The following RBMS3 variants were observed in gnomAD, a reference collection of about 807,000 sequenced individuals.
The protein encoded by RBMS3 is RNA binding motif single stranded interacting protein 3.
Under a neutral mutation model 66.8 loss-of-function variants are expected in RBMS3, and 27 were observed. The ratio of observed to expected loss-of-function variants is 0.40; its 90% confidence interval spans 0.30 to 0.56. The LOEUF (loss-of-function observed/expected upper bound fraction) is 0.56, where lower values mean the gene tolerates loss of function less well. Ranked by LOEUF, RBMS3 falls within the 20% of genes least tolerant of loss-of-function variation. The pLI is 0.40. For missense variants in RBMS3, 513 were observed against 549.5 expected (o/e 0.93, Z 0.66); for synonymous variants, 188 against 183.0 (o/e 1.03, Z -0.22).
chr3:29,886,354 C>A (rs1423345306), intron 8 of RBMS3, among the ~76,000 whole-genome samples: 1 of 151,790 alleles, frequency 6.6e-6, no homozygotes, highest in Non-Finnish European at 1.5e-5. Context: ...GAAAATGAGG[C>A]CATGTAGTCC....
At chr3:29,545,215 A>G (rs1311253779) in intron 3 of RBMS3, among the ~76,000 whole-genome samples, 1 of 152,184 alleles carries the variant, frequency 6.6e-6, no homozygotes, top group Non-Finnish European at 1.5e-5. Flanking sequence ...AATGTCCATA[A>G]TGCATCCTTA....
At chr3:29,994,258 G>A (rs566087608) in intron 14 of RBMS3, among the ~76,000 whole-genome samples, 21 of 152,274 alleles carry the variant, frequency 1.4e-4, no homozygotes, top group Admixed American at 9.8e-4. Context: ...ATTATATCCC[G>A]CACCTGGCTC....
chr3:29,637,549 TGG>T (rs1482984073), intron 4 of RBMS3, among the ~76,000 whole-genome samples: 1 of 151,916 alleles, frequency 6.6e-6, no homozygotes, highest in African/African-American at 2.4e-5. Flanking sequence ...TTTCTTATCT[TGG>T]AGATTGAGGC....
intron 3 of RBMS3, among the ~76,000 whole-genome samples, chr3:29,553,359 C>G (rs1576207568): frequency 6.6e-6 from 1 of 152,096 alleles, no homozygotes; most frequent in Non-Finnish European, 1.5e-5. Context: ...GAATCAGGAA[C>G]CAGCAGAAGG....
intron 4 of RBMS3, among the ~76,000 whole-genome samples, chr3:29,732,475 T>C (rs2054179799): frequency 6.6e-6 from 1 of 152,176 alleles, no homozygotes; most frequent in Non-Finnish European, 1.5e-5. Flanking sequence ...TTGACCAATC[T>C]GGGCACACTG....
At chr3:29,618,332 T>C (rs1295110594) in intron 4 of RBMS3, among the ~76,000 whole-genome samples, 1 of 152,010 alleles carries the variant, frequency 6.6e-6, no homozygotes, top group African/African-American at 2.4e-5. Flanking sequence ...TCATCTCTAC[T>C]ACATCTCTAC....
At chr3:29,410,732 T>C (rs7625897) in intron 1 of RBMS3, among the ~76,000 whole-genome samples, 5,927 of 152,272 alleles carry the variant, frequency 0.039, 395 homozygotes, top group African/African-American at 0.13. Flanking sequence ...AAATGGAACA[T>C]GATGAGCCCT....
chr3:29,919,765 C>T (rs1337502010), intron 10 of RBMS3, among the ~76,000 whole-genome samples: 3 of 152,172 alleles, frequency 2.0e-5, no homozygotes, highest in Non-Finnish European at 4.4e-5. Flanking sequence ...AATTATGCAG[C>T]CCTGGCTGCA....
intron 4 of RBMS3, among the ~76,000 whole-genome samples, chr3:29,728,278 A>G (rs2053973970): frequency 6.6e-6 from 1 of 152,086 alleles, no homozygotes. Flanking sequence ...AACCTAGATG[A>G]CGGGTCGATA....
chr3:29,948,531 A>G (rs1253817386), intron 12 of RBMS3, among the ~76,000 whole-genome samples: 1 of 151,826 alleles, frequency 6.6e-6, no homozygotes, highest in African/African-American at 2.4e-5. Context: ...ATTTGTTTTC[A>G]TAGATACCAT....
Position 29,488,434 on chromosome 3 carries a change from CTT to C in RBMS3, c.249-5_249-4del. 6.4e-7 allele frequency: 1 copy of C among 1,551,324 alleles called. No individual in the cohort carries two copies. The highest frequency in any genetic ancestry group is 8.8e-7 in the Non-Finnish European group (1 of 1,134,554). ...AACATGGGTTTTTTTCTCTCTCTCT[CTT>C]TCAGGTATGGAAAAATTGTATCTAC... is the stretch of plus-strand genomic sequence containing the variant. On this transcript the variant is annotated splice_region_variant and splice_polypyrimidine_tract_variant and intron_variant, in intron 2 of 14. Coordinates refer to ENST00000383767, the MANE Select transcript of RBMS3 (RefSeq NM_001003793.3).
chr3:29,322,346 T>C (rs2035057896), intron 1 of RBMS3, among the ~76,000 whole-genome samples: 1 of 152,120 alleles, frequency 6.6e-6, no homozygotes, highest in African/African-American at 2.4e-5. Context: ...CCGGAGTTTG[T>C]GTTTATTTAC....
At chr3:29,482,955 C>T (rs926803557) in intron 2 of RBMS3, among the ~76,000 whole-genome samples, 9 of 151,760 alleles carry the variant, frequency 5.9e-5, no homozygotes, top group African/African-American at 2.2e-4. Flanking sequence ...ATCTACCCAC[C>T]TCGGTCTCCC....
chr3:29,622,567 G>C (rs1413332227), intron 4 of RBMS3, among the ~76,000 whole-genome samples: 1 of 152,292 alleles, frequency 6.6e-6, no homozygotes, highest in Non-Finnish European at 1.5e-5. Context: ...AATAAAATTG[G>C]CTTGTTGAAC....
chr3:29,500,383 T>A (rs1463495531), intron 3 of RBMS3, among the ~76,000 whole-genome samples: 3 of 149,764 alleles, frequency 2.0e-5, no homozygotes, highest in African/African-American at 7.3e-5. Flanking sequence ...GGCTATTGTT[T>A]TGAACCAAAT....
chr3:29,535,645 C>G (rs1020619000), intron 3 of RBMS3, among the ~76,000 whole-genome samples: 5 of 143,314 alleles, frequency 3.5e-5, no homozygotes, highest in Non-Finnish European at 7.5e-5. Flanking sequence ...ATTTGTAAGA[C>G]CTATAAAACA....
chr3:29,608,372 T>C (rs995571734), intron 4 of RBMS3, among the ~76,000 whole-genome samples: 2 of 151,982 alleles, frequency 1.3e-5, no homozygotes, highest in Admixed American at 6.6e-5. Flanking sequence ...AAACTTAGTG[T>C]AATAAAGCTA....
At chr3:29,366,383 C>CT (rs1283961958) in intron 1 of RBMS3, among the ~76,000 whole-genome samples, 43 of 152,052 alleles carry the variant, frequency 2.8e-4, no homozygotes, top group African/African-American at 9.9e-4. Context: ...TTTCTGAATC[C>CT]TTTTTTTGTT....
At chr3:29,601,567 A>C (rs1253353694) in intron 4 of RBMS3, among the ~76,000 whole-genome samples, 11 of 152,062 alleles carry the variant, frequency 7.2e-5, no homozygotes, top group Non-Finnish European at 2.9e-5. Context: ...CATTCTAAAA[A>C]TTAAAGGACT....
Sources: allele counts gnomAD v4.1 joint callset (sites outside exome capture counted in the v4.1 genomes callset), GRCh38; gene constraint gnomAD v4.1.1; transcripts MANE v1.5; gene names NCBI Gene and HGNC (gene_info 2026-07-23, HGNC 2026-07-21).